BLTP2: variants seen among roughly 807,000 people sequenced by gnomAD.
BLTP2 encodes bridge-like lipid transfer protein family member 2.
At chr17:28,624,366 A>T in the BLTP2 span, 29 of 1,613,672 alleles carry the variant, frequency 1.8e-5, no homozygotes, top group Non-Finnish European at 2.4e-5. Flanking sequence ...TGTCTCTTCA[A>T]TTAGCTTCTG....
At chr17:28,639,340 G>A in the BLTP2 span, 3 of 1,614,154 alleles carry the variant, frequency 1.9e-6, no homozygotes, top group Non-Finnish European at 2.5e-6. Flanking sequence ...TTTAGAACAG[G>A]TGAACTAGAC....
At chr17:28,624,834 C>A in the BLTP2 span, among the ~76,000 whole-genome samples, 1 of 152,128 alleles carries the variant, frequency 6.6e-6, no homozygotes, top group East Asian at 1.9e-4. Flanking sequence ...TTCCTTCTCC[C>A]AGGTCTAAGC....
At chr17:28,632,024 G>A in the BLTP2 span, 1 of 1,609,770 alleles carries the variant, frequency 6.2e-7, no homozygotes, top group Non-Finnish European at 8.5e-7. Context: ...AAGTGAAGAT[G>A]TCAGCAGGGA....
the BLTP2 span, chr17:28,634,231 T>G: frequency 3.6e-4 from 277 of 762,712 alleles, 1 homozygote; most frequent in South Asian, 4.6e-3. Context: ...CACAGCAAGC[T>G]GAAAAATGAC....
the BLTP2 span, chr17:28,616,837 G>C: frequency 1.2e-6 from 2 of 1,605,348 alleles, no homozygotes; most frequent in South Asian, 2.2e-5. The surrounding 1 kb of genome is among the most constrained non-coding windows in gnomAD (Gnocchi z 4.8). Flanking sequence ...TAACACACAG[G>C]TGGCTTTTGA....
chr17:28,633,866 G>A, the BLTP2 span: 21 of 1,611,018 alleles, frequency 1.3e-5, no homozygotes, highest in East Asian at 3.3e-4. Context: ...ACGTCCCTCA[G>A]CCAAACCAAC....
chr17:28,645,038 CGGA>C, the BLTP2 span: 1 of 1,601,532 alleles, frequency 6.2e-7, no homozygotes, highest in African/African-American at 1.3e-5. Context: ...ACCAACAGCG[CGGA>C]GAAGAACAGA....
the BLTP2 span, chr17:28,615,196 C>T: frequency 1.9e-6 from 3 of 1,613,980 alleles, no homozygotes; most frequent in Non-Finnish European, 2.5e-6. Context: ...CTAGCTTTCC[C>T]CGGACCTCAG....
chr17:28,643,726 C>CAGGA, the BLTP2 span: 1 of 1,442,160 alleles, frequency 6.9e-7, no homozygotes, highest in South Asian at 1.1e-5. Context: ...CTTGACAAGC[C>CAGGA]AGGAAATGTT....
chr17:28,642,617 C>T, the BLTP2 span: 1 of 559,010 alleles, frequency 1.8e-6, no homozygotes, highest in East Asian at 3.0e-5. Context: ...CACCACTGCA[C>T]TCCAGCCTAG....
chr17:28,639,792 C>T, the BLTP2 span: 58 of 1,461,350 alleles, frequency 4.0e-5, no homozygotes, highest in East Asian at 1.3e-3. Flanking sequence ...TCCCTCCTTC[C>T]ACTCCCCAGT....
At chr17:28,614,964 C>G in the BLTP2 span, 1 of 1,168,798 alleles carries the variant, frequency 8.6e-7, no homozygotes, top group Admixed American at 2.2e-5. Flanking sequence ...CTCTGACACC[C>G]ACAAATCCTC....
the BLTP2 span, chr17:28,633,065 TGA>T: frequency 6.3e-7 from 1 of 1,592,422 alleles, no homozygotes; most frequent in Non-Finnish European, 8.6e-7. Flanking sequence ...GCCCGCAGAG[TGA>T]CACTATGGTG....
chr17:28,619,042 C>T, the BLTP2 span: 3 of 1,269,464 alleles, frequency 2.4e-6, no homozygotes, highest in South Asian at 2.6e-5. Context: ...ATAGAATGCT[C>T]TAGAATGATG....
chr17:28,628,472 G>T, the BLTP2 span: 1 of 1,614,024 alleles, frequency 6.2e-7, no homozygotes, highest in Non-Finnish European at 8.5e-7. Context: ...GCAATGTCTC[G>T]ATTGGTAGTT....
the BLTP2 span, among the ~76,000 whole-genome samples, chr17:28,630,465 GTTTTTTTTTT>G: frequency 1.1e-5 from 1 of 93,010 alleles, no homozygotes; most frequent in Non-Finnish European, 2.0e-5. Flanking sequence ...AGCCCCCACT[GTTTTTTTTTT>G]TTTTTTTTTT....
At chr17:28,633,276 C>T in the BLTP2 span, 9 of 1,609,928 alleles carry the variant, frequency 5.6e-6, no homozygotes, top group Admixed American at 1.7e-5. Context: ...CCCTTCACTC[C>T]ACTCACTTAG....
chr17:28,615,748 A>G, the BLTP2 span: 1 of 1,614,112 alleles, frequency 6.2e-7, no homozygotes, highest in Non-Finnish European at 8.5e-7. Context: ...GGTACTCCAG[A>G]CAGGGCAGCA....
the BLTP2 span, chr17:28,619,098 C>G: frequency 1.3e-5 from 9 of 687,674 alleles, no homozygotes; most frequent in Admixed American, 1.8e-4. Context: ...TAGCCAGTCC[C>G]TACATTTTTT....
Sources: gnomAD v4.1 joint callset for allele counts (sites outside exome capture counted in the v4.1 genomes callset) on GRCh38, gnomAD v4.1.1 for gene constraint, Gnocchi (gnomAD v3.1) non-coding constraint, MANE v1.5 for transcripts, NCBI Gene and HGNC (gene_info 2026-07-23, HGNC 2026-07-21) for gene names.